ACOXL: variants seen among roughly 807,000 people sequenced by gnomAD.
ACOXL encodes the protein acyl-coenzyme A oxidase-like protein.
A neutral mutation model predicts 71.9 loss-of-function variants in ACOXL; 70 were observed. That is an observed-to-expected ratio of 0.97 (90% CI 0.80 to 1.19). ACOXL has a LOEUF of 1.19. Ranked by LOEUF, ACOXL falls within the 50% of genes most tolerant of loss-of-function variation. The probability of loss-of-function intolerance (pLI) is 0.00; values close to 1 mark genes in which losing one functional copy is unlikely to be tolerated. For missense variants in ACOXL, 703 were observed against 736.3 expected, an observed-to-expected ratio of 0.95 and a Z score of 0.52; for synonymous variants, 253 against 281.6, an observed-to-expected ratio of 0.90 and a Z score of 1.02.
intron 10 of ACOXL, among the ~76,000 whole-genome samples, chr2:110,907,694 G>A (rs867311783): frequency 2.0e-5 from 3 of 152,184 alleles, no homozygotes; most frequent in South Asian, 2.1e-4. Flanking sequence ...GGCCTTCCTT[G>A]TGTGTGCTTA....
Position 111,045,128 on chromosome 2 carries a change from G to T in ACOXL, c.1370-4090G>T, listed in dbSNP as rs1258590324. On this transcript the variant is annotated intron_variant, in intron 15 of 17. Coordinates refer to ENST00000439055, the MANE Select transcript of ACOXL (RefSeq NM_001142807.4). ...CATGTTGAAGCAAGAAAGTGATTCC[G>T]CCAAGAGTCCCTTAGGGAGACTCAT... Among the ~76,000 whole-genome samples, 9 of 152,156 alleles carry T rather than the reference G, an allele frequency of 5.9e-5. No homozygotes were observed. The East Asian group carries it at 1.7e-3, about 29-fold the overall frequency.
intron 10 of ACOXL, among the ~76,000 whole-genome samples, chr2:110,904,470 A>G (rs1288349383): frequency 6.6e-6 from 1 of 152,142 alleles, no homozygotes; most frequent in African/African-American, 2.4e-5. Flanking sequence ...CTGGGTGCAT[A>G]TGTCAGGCCA....
intron 2 of ACOXL, among the ~76,000 whole-genome samples, chr2:110,768,765 A>G (rs543005680): frequency 6.6e-6 from 1 of 152,016 alleles, no homozygotes; most frequent in Admixed American, 6.6e-5. Context: ...GCGTGTACTC[A>G]GTGTTTAGCT....
intron 10 of ACOXL, among the ~76,000 whole-genome samples, chr2:110,875,494 G>C (rs1695793489): frequency 6.6e-6 from 1 of 152,192 alleles, no homozygotes; most frequent in African/African-American, 2.4e-5. Context: ...CACCGACCCA[G>C]CAGACAGGCT....
intron 10 of ACOXL, among the ~76,000 whole-genome samples, chr2:110,849,746 A>T (rs2148921511): frequency 7.0e-6 from 1 of 143,360 alleles, no homozygotes; most frequent in East Asian, 2.1e-4. Flanking sequence ...TGACAGAGTG[A>T]GAAAAACAAA....
chr2:111,056,333 C>T (rs1041912169), intron 16 of ACOXL, among the ~76,000 whole-genome samples: 2 of 152,156 alleles, frequency 1.3e-5, no homozygotes, highest in East Asian at 1.9e-4. Context: ...TCTCTTCACT[C>T]CTAGAGGTCC....
At chr2:110,795,382 C>G (rs1685167337) in intron 5 of ACOXL, among the ~76,000 whole-genome samples, 1 of 152,150 alleles carries the variant, frequency 6.6e-6, no homozygotes, top group African/African-American at 2.4e-5. Flanking sequence ...CTATACTGAC[C>G]ACTCGTAAAG....
chr2:110,865,054 G>A (rs1051149404), intron 10 of ACOXL, among the ~76,000 whole-genome samples: 1 of 152,188 alleles, frequency 6.6e-6, no homozygotes, highest in Non-Finnish European at 1.5e-5. Flanking sequence ...CTGTGTGGTG[G>A]ATGATTTCCG....
chr2:111,043,031 G>A (rs1476403744), intron 15 of ACOXL, among the ~76,000 whole-genome samples: 1 of 152,232 alleles, frequency 6.6e-6, no homozygotes, highest in Non-Finnish European at 1.5e-5. Flanking sequence ...AACATGTTGA[G>A]ACTTAGTTGT....
At chr2:110,741,641 G>T (rs1677553432) in intron 1 of ACOXL, among the ~76,000 whole-genome samples, 2 of 152,298 alleles carry the variant, frequency 1.3e-5, no homozygotes, top group South Asian at 4.1e-4. Flanking sequence ...TTCTTGAGAA[G>T]TGCTGGATCC....
rs180828813 is a variant in ACOXL at position 110,777,662 on chromosome 2, G to A, written c.76-7070G>A. Among the ~76,000 whole-genome samples the A allele has an allele frequency of 2.9e-4, 44 of 152,350 alleles. 2 individuals are homozygous for A. The highest frequency in any genetic ancestry group is 3.3e-4 in the Admixed American group (5 of 15,304). On this transcript the variant is annotated intron_variant, in intron 2 of 17. Coordinates refer to ENST00000439055, the MANE Select transcript of ACOXL (RefSeq NM_001142807.4). ...CAAGTGTGCACTGTCTCGTGGGCCA[G>A]GGGCTAGAGTGCATCCATCACAGGA... is the stretch of plus-strand genomic sequence containing the variant.
intron 9 of ACOXL, among the ~76,000 whole-genome samples, chr2:110,807,505 A>G (rs113390421): frequency 2.2e-4 from 33 of 152,338 alleles, no homozygotes; most frequent in African/African-American, 7.7e-4. Flanking sequence ...GCAATGTGCA[A>G]TGTTTTGCAG....
At chr2:110,976,177 A>C (rs1437009435) in intron 12 of ACOXL, among the ~76,000 whole-genome samples, 1 of 152,204 alleles carries the variant, frequency 6.6e-6, no homozygotes, top group African/African-American at 2.4e-5. Flanking sequence ...GGGATTATTT[A>C]CCAAGGCCTG....
At chr2:110,805,512 G>A (rs1686529621) in intron 9 of ACOXL, 117 bp downstream of exon 9, 1 of 1,425,944 alleles carries the variant, frequency 7.0e-7, no homozygotes, top group African/African-American at 1.4e-5. Context: ...TATGGCCAGG[G>A]TTCCCGGTTA....
chr2:111,066,136 C>G (rs2067061637), intron 16 of ACOXL, among the ~76,000 whole-genome samples: 1 of 152,152 alleles, frequency 6.6e-6, no homozygotes, highest in East Asian at 1.9e-4. Context: ...CCCAATTTTC[C>G]TTTAATGGGT....
intron 9 of ACOXL, among the ~76,000 whole-genome samples, chr2:110,814,504 A>G (rs545078260): frequency 1.3e-5 from 2 of 152,316 alleles, no homozygotes; most frequent in East Asian, 1.9e-4. Flanking sequence ...AGCCAAAAAA[A>G]GTTTACAATT....
chr2:110,957,312 G>A (rs895160805), intron 12 of ACOXL, among the ~76,000 whole-genome samples: 2 of 152,102 alleles, frequency 1.3e-5, no homozygotes, highest in African/African-American at 2.4e-5. Flanking sequence ...GCTTAGGAAA[G>A]GACTTCCTCA....
chr2:110,793,184 C>T (rs1449135788), intron 3 of ACOXL, among the ~76,000 whole-genome samples: 1 of 152,210 alleles, frequency 6.6e-6, no homozygotes, highest in Non-Finnish European at 1.5e-5. Flanking sequence ...GTGCTCATCC[C>T]AAGCTGCATG....
At chr2:110,770,834 G>T (rs1475856298) in intron 2 of ACOXL, among the ~76,000 whole-genome samples, 1 of 152,218 alleles carries the variant, frequency 6.6e-6, no homozygotes, top group African/African-American at 2.4e-5. Context: ...GCTTAACTTA[G>T]TGTCAATACT....
Sources: gnomAD v4.1 joint callset for allele counts (sites outside exome capture counted in the v4.1 genomes callset) on GRCh38, gnomAD v4.1.1 for gene constraint, MANE v1.5 for transcripts, NCBI Gene and HGNC (gene_info 2026-07-23, HGNC 2026-07-21) for gene names.